Variants in STK32B observed in about 807,000 individuals in gnomAD.
STK32B encodes the protein serine/threonine-protein kinase 32B.
In STK32B, 43 loss-of-function variants were observed where a neutral mutation model predicts 52.6. That is an observed-to-expected ratio of 0.82 (90% CI 0.64 to 1.05). STK32B has a LOEUF of 1.05. Among genes scored for constraint, STK32B ranks in the 50% least tolerant of loss-of-function variants. The pLI, the probability that STK32B is intolerant of heterozygous loss-of-function variation, is 0.00. For synonymous variants in STK32B, 238 were observed against 204.3 expected (o/e 1.17, Z -1.41); for missense variants, 621 against 534.6 (o/e 1.16, Z -1.59).
chr4:5,386,164 C>A lies in STK32B; in HGVS notation c.435-12043C>A, dbSNP rs1265131945. Among the ~76,000 whole-genome samples the A allele has an allele frequency of 6.6e-6, 1 of 151,896 alleles. No homozygotes were observed. The highest frequency in any genetic ancestry group is 1.5e-5 in the Non-Finnish European group (1 of 68,000). ...GGCCTTTGTACTCCCTGGACTCTTC[C>A]CAGCCGTCTGTCTCTCACACAGCAC... On this transcript the variant is annotated intron_variant, in intron 4 of 11. Coordinates refer to ENST00000282908, the MANE Select transcript of STK32B (RefSeq NM_018401.3). This position sits in a 1 kb window ranked among gnomAD's most constrained non-coding sequence, Gnocchi z 4.5.
In STK32B at chr4:5,319,289, G is replaced by A. The variant is rs994483007; in HGVS notation, c.261-11931G>A. The stretch of plus-strand genomic sequence containing the variant: ...CCTCCAGAGCCTGTACACTTCAAAA[G>A]GGTTTGTGTGCTCTCCTGAATAGGG... On this transcript the variant is annotated intron_variant, in intron 3 of 11. Coordinates refer to ENST00000282908, the MANE Select transcript of STK32B (RefSeq NM_018401.3). Among the ~76,000 whole-genome samples, 2 of 152,124 alleles carry A rather than the reference G, an allele frequency of 1.3e-5. 1 individual carries two copies. The highest frequency in any genetic ancestry group is 4.1e-4 in the South Asian group (2 of 4,824).
At chr4:5,108,088 A>G (rs1469252982) in intron 1 of STK32B, among the ~76,000 whole-genome samples, 1 of 152,150 alleles carries the variant, frequency 6.6e-6, no homozygotes, top group African/African-American at 2.4e-5. Context: ...CCCTGATTTT[A>G]CCACCATTAT....
chr4:5,303,443 G>A (rs1376669912), intron 3 of STK32B, among the ~76,000 whole-genome samples: 2 of 152,038 alleles, frequency 1.3e-5, no homozygotes, highest in Non-Finnish European at 1.5e-5. Context: ...GTGATGTTGA[G>A]CATTTTTTCA....
At chr4:5,432,865 C>G (rs1239287605) in intron 6 of STK32B, among the ~76,000 whole-genome samples, 1 of 151,110 alleles carries the variant, frequency 6.6e-6, no homozygotes, top group Non-Finnish European at 1.5e-5. Flanking sequence ...TAGCCGTTTT[C>G]TCTTCACAAT....
intron 11 of STK32B, among the ~76,000 whole-genome samples, chr4:5,473,159 C>T (rs1717971947): frequency 6.6e-6 from 1 of 152,208 alleles, no homozygotes; most frequent in African/African-American, 2.4e-5. Flanking sequence ...AGTTCCCAGG[C>T]TCTTTCTGCT....
chr4:5,362,653 A>G (rs1457894543), intron 4 of STK32B, among the ~76,000 whole-genome samples: 1 of 152,176 alleles, frequency 6.6e-6, no homozygotes, highest in Non-Finnish European at 1.5e-5. Flanking sequence ...GACAGCCACC[A>G]CGGAGGCAGG....
intron 11 of STK32B, among the ~76,000 whole-genome samples, chr4:5,485,378 A>G (rs1034964562): frequency 1.3e-5 from 2 of 152,030 alleles, no homozygotes; most frequent in South Asian, 2.1e-4. Context: ...AGTTGATCGA[A>G]TCGGCTACTG....
At chr4:5,290,240 G>A (rs10022443) in intron 3 of STK32B, among the ~76,000 whole-genome samples, 16,233 of 151,108 alleles carry the variant, frequency 0.11, 901 homozygotes, top group South Asian at 0.17. Flanking sequence ...ATAATAAATC[G>A]ACGTTAGTAT....
Position 5,402,327 on chromosome 4 carries a change from C to T in STK32B, c.472+4083C>T, listed in dbSNP as rs552728333. 9.2e-5 allele frequency among the ~76,000 whole-genome samples: 14 copies of T among 152,294 alleles called. No homozygotes were observed. The South Asian group carries it at 1.0e-3, about 11-fold the overall frequency. The stretch of plus-strand genomic sequence containing the variant: ...AATGGATGGAGCCACAGGCACAGGC[C>T]GGTGGGTTAGTGCTTTCCACATGGG... On this transcript the variant is annotated intron_variant, in intron 5 of 11. Transcript: ENST00000282908.
intron 3 of STK32B, among the ~76,000 whole-genome samples, chr4:5,329,547 G>A (rs1042383904): frequency 1.3e-5 from 2 of 151,820 alleles, no homozygotes; most frequent in African/African-American, 2.4e-5. Context: ...TCCCACACTC[G>A]CCTGCACCCT....
At chr4:5,486,293 C>T (rs1267720537) in intron 11 of STK32B, among the ~76,000 whole-genome samples, 1 of 152,176 alleles carries the variant, frequency 6.6e-6, no homozygotes, top group Non-Finnish European at 1.5e-5. Flanking sequence ...ATGGCGGGCG[C>T]CCCACCCCCA....
chr4:5,244,570 G>C (rs145869945), intron 3 of STK32B, among the ~76,000 whole-genome samples: 1 of 151,948 alleles, frequency 6.6e-6, no homozygotes, highest in Non-Finnish European at 1.5e-5. Flanking sequence ...TTGTGTCTCT[G>C]TTTCCTTCAG....
chr4:5,306,264 T>C (rs189884500), intron 3 of STK32B, among the ~76,000 whole-genome samples: 258 of 152,282 alleles, frequency 1.7e-3, no homozygotes, highest in African/African-American at 5.9e-3. Flanking sequence ...CTTTGTGGAC[T>C]TTCTGTCTTG....
At chr4:5,340,608 G>C (rs1173051130) in intron 4 of STK32B, among the ~76,000 whole-genome samples, 1 of 152,204 alleles carries the variant, frequency 6.6e-6, no homozygotes, top group Admixed American at 6.5e-5. Context: ...TGCATCCCAA[G>C]ATGGATCTTC....
chr4:5,093,766 C>T (rs548602603), intron 1 of STK32B, among the ~76,000 whole-genome samples: 4 of 152,160 alleles, frequency 2.6e-5, no homozygotes, highest in Non-Finnish European at 5.9e-5. Flanking sequence ...TTTGTTGCCC[C>T]TCTAAATGTG....
At chr4:5,416,789 A>G in intron 5 of STK32B, 56 bp from the exon 6 acceptor site, 1 of 1,528,978 alleles carries the variant, frequency 6.5e-7, no homozygotes. Context: ...ACAGCTTTAA[A>G]TAACCCAGCT....
At chr4:5,028,587 G>C in the STK32B span, among the ~76,000 whole-genome samples, 1 of 152,196 alleles carries the variant, frequency 6.6e-6, no homozygotes, top group East Asian at 1.9e-4. Flanking sequence ...CCCAAGTTTT[G>C]CTTGGGCTTT....
intron 3 of STK32B, among the ~76,000 whole-genome samples, chr4:5,312,393 C>T (rs917167168): frequency 7.3e-5 from 11 of 151,360 alleles, no homozygotes; most frequent in African/African-American, 2.2e-4. Flanking sequence ...CCCATTAACT[C>T]GTCATTTAGC....
chr4:5,289,685 A>ATTTTTTTTT (rs56211807), intron 3 of STK32B, among the ~76,000 whole-genome samples: 5 of 86,882 alleles, frequency 5.8e-5, no homozygotes, highest in Non-Finnish European at 1.2e-4. Context: ...TGCCCGGCTA[A>ATTTTTTTTT]TTTTTTTTTT....
Sources: gnomAD v4.1 joint callset for allele counts (sites outside exome capture counted in the v4.1 genomes callset) on GRCh38, gnomAD v4.1.1 for gene constraint, Gnocchi (gnomAD v3.1) non-coding constraint, MANE v1.5 for transcripts, NCBI Gene and HGNC (gene_info 2026-07-23, HGNC 2026-07-21) for gene names.